PHF24: variants seen among roughly 807,000 people sequenced by gnomAD.
PHF24 encodes the protein Galpha inhibitory interacting protein.
PHF24 carries 25 observed loss-of-function variants against 42.6 expected under a neutral mutation model. That is an observed-to-expected ratio of 0.59 (90% confidence interval 0.43 to 0.82). The LOEUF (loss-of-function observed/expected upper bound fraction) is 0.82, where lower values mean the gene tolerates loss of function less well. PHF24 is among the 40% of genes least tolerant of loss of function. The pLI, the probability that PHF24 is intolerant of heterozygous loss-of-function variation, is 0.00. For missense variants in PHF24, 470 were observed against 538.1 expected, an observed-to-expected ratio of 0.87 and a Z score of 1.25; for synonymous variants, 185 against 204.8, an observed-to-expected ratio of 0.90 and a Z score of 0.83.
At chr9:34,788,993 A>G in the PHF24 span, among the ~76,000 whole-genome samples, 1 of 152,192 alleles carries the variant, frequency 6.6e-6, no homozygotes, top group Non-Finnish European at 1.5e-5. Flanking sequence ...TGACCACTCT[A>G]CAACATTTCT....
At chr9:34,932,956 C>T in the PHF24 span, among the ~76,000 whole-genome samples, 1 of 150,850 alleles carries the variant, frequency 6.6e-6, no homozygotes, top group African/African-American at 2.4e-5. Flanking sequence ...CCCCTCCCCA[C>T]AGTATAAGCT....
the PHF24 span, among the ~76,000 whole-genome samples, chr9:34,761,691 T>A: frequency 6.6e-6 from 1 of 152,166 alleles, no homozygotes; most frequent in Non-Finnish European, 1.5e-5. Context: ...CTGTTTGATT[T>A]TTTTAAATTT....
intron 1 of PHF24, among the ~76,000 whole-genome samples, chr9:34,961,165 T>C (rs1183348026): frequency 1.3e-5 from 2 of 152,204 alleles, no homozygotes; most frequent in Non-Finnish European, 2.9e-5. Flanking sequence ...TAGTTTCCCT[T>C]CTCTTTAGCT....
At chr9:34,970,967 A>C (rs1373085901) in intron 1 of PHF24, among the ~76,000 whole-genome samples, 1 of 152,142 alleles carries the variant, frequency 6.6e-6, no homozygotes, top group Admixed American at 6.5e-5. Flanking sequence ...ATCGAACCAA[A>C]GTCATCCAGG....
chr9:34,730,775 G>C, the PHF24 span, among the ~76,000 whole-genome samples: 1 of 152,222 alleles, frequency 6.6e-6, no homozygotes, highest in African/African-American at 2.4e-5. Context: ...GTTTAACAGT[G>C]CAGGTTGTGG....
the PHF24 span, among the ~76,000 whole-genome samples, chr9:34,794,727 A>G: frequency 6.6e-6 from 1 of 152,224 alleles, no homozygotes; most frequent in East Asian, 1.9e-4. Flanking sequence ...AAAGCAGTGA[A>G]AAATGTCAGT....
At chr9:34,841,374 T>C in the PHF24 span, among the ~76,000 whole-genome samples, 2 of 152,222 alleles carry the variant, frequency 1.3e-5, no homozygotes, top group South Asian at 4.1e-4. Flanking sequence ...TTCCACCTTT[T>C]TGCTGTCGTG....
At chr9:34,730,887 C>T in the PHF24 span, among the ~76,000 whole-genome samples, 1 of 152,190 alleles carries the variant, frequency 6.6e-6, no homozygotes, top group African/African-American at 2.4e-5. Flanking sequence ...CAGTGTATCT[C>T]TAGCAGAATA....
At chr9:34,818,519 G>A in the PHF24 span, among the ~76,000 whole-genome samples, 3 of 152,098 alleles carry the variant, frequency 2.0e-5, no homozygotes, top group South Asian at 4.2e-4. Flanking sequence ...CATTCCCATG[G>A]CGTACCCCCA....
chr9:34,718,730 T>G, the PHF24 span, among the ~76,000 whole-genome samples: 3 of 152,224 alleles, frequency 2.0e-5, no homozygotes, highest in African/African-American at 7.2e-5. Context: ...CTTCCCTGCC[T>G]GGGCTGCAGT....
At chr9:34,925,052 A>G in the PHF24 span, among the ~76,000 whole-genome samples, 1 of 152,144 alleles carries the variant, frequency 6.6e-6, no homozygotes, top group Non-Finnish European at 1.5e-5. Flanking sequence ...GTGGTAATGA[A>G]TTCCTTTCAT....
At chr9:34,708,020 G>A in the PHF24 span, among the ~76,000 whole-genome samples, 8 of 152,188 alleles carry the variant, frequency 5.3e-5, no homozygotes, top group Non-Finnish European at 8.8e-5. Context: ...CTGAGCCACC[G>A]CGCCCGGCCT....
the PHF24 span, among the ~76,000 whole-genome samples, chr9:34,838,967 T>C: frequency 6.6e-6 from 1 of 152,192 alleles, no homozygotes; most frequent in Admixed American, 6.5e-5. Flanking sequence ...AGTCTGGTTA[T>C]GGCTTGGAGA....
the PHF24 span, among the ~76,000 whole-genome samples, chr9:34,780,298 C>CTTTTTTTTTTTTTTTT: frequency 4.2e-4 from 27 of 63,830 alleles, no homozygotes; most frequent in East Asian, 6.3e-4. Context: ...TTCTTTTTTT[C>CTTTTTTTTTTTTTTTT]TTTTTTTTTT....
chr9:34,860,155 G>A, the PHF24 span, among the ~76,000 whole-genome samples: 1 of 152,176 alleles, frequency 6.6e-6, no homozygotes, highest in Admixed American at 6.5e-5. Flanking sequence ...TACGCTGTAA[G>A]CTGACATTAT....
chr9:34,705,618 A>T, the PHF24 span, among the ~76,000 whole-genome samples: 2 of 152,232 alleles, frequency 1.3e-5, no homozygotes, highest in South Asian at 4.1e-4. Flanking sequence ...GCACCAAAAA[A>T]ATTTACTGTA....
chr9:34,833,517 A>C, the PHF24 span: 3 of 1,550,970 alleles, frequency 1.9e-6, no homozygotes, highest in Admixed American at 2.0e-5. Context: ...CTTTCAAGAG[A>C]CTTCTGTGTG....
the PHF24 span, among the ~76,000 whole-genome samples, chr9:34,888,499 T>C: frequency 1.3e-5 from 2 of 152,196 alleles, no homozygotes; most frequent in Admixed American, 6.5e-5. Context: ...TGAAAGGCAA[T>C]GGAGGTTGGA....
the PHF24 span, chr9:34,892,948 A>C: frequency 2.9e-6 from 2 of 687,072 alleles, no homozygotes; most frequent in Non-Finnish European, 5.3e-6. Context: ...CCAGATCCTG[A>C]CTATGCTTAA....
Sources: gnomAD v4.1 joint callset for allele counts (sites outside exome capture counted in the v4.1 genomes callset) on GRCh38, gnomAD v4.1.1 for gene constraint, MANE v1.5 for transcripts, NCBI Gene and HGNC (gene_info 2026-07-23, HGNC 2026-07-21) for gene names.